The following MAGI2 variants were observed in gnomAD, a reference collection of about 807,000 sequenced individuals.
MAGI2 encodes the protein membrane associated guanylate kinase, WW and PDZ domain containing 2.
In MAGI2, 35 loss-of-function variants were observed where a neutral mutation model predicts 133.3. That is an observed-to-expected ratio of 0.26 (90% CI 0.20 to 0.35). The LOEUF is 0.35. MAGI2 is among the 10% of genes least tolerant of loss of function. The pLI is 1.00. For synonymous variants in MAGI2, 729 were observed against 710.6 expected (o/e 1.03, Z -0.41); for missense variants, 1,636 against 1,863.4 (o/e 0.88, Z 2.25).
intron 9 of MAGI2, among the ~76,000 whole-genome samples, chr7:78,321,631 G>A (rs542380464): frequency 4.6e-5 from 7 of 152,200 alleles, no homozygotes; most frequent in Admixed American, 1.3e-4. Context: ...AAGATGGATT[G>A]AAGACTTAAA....
intron 6 of MAGI2, among the ~76,000 whole-genome samples, chr7:78,463,536 A>G (rs926967124): frequency 6.6e-6 from 1 of 152,198 alleles, no homozygotes; most frequent in Non-Finnish European, 1.5e-5. Flanking sequence ...AAAAATATGT[A>G]TTAATTGTAC....
At chr7:79,332,058 TA>T (rs1840120514) in intron 1 of MAGI2, among the ~76,000 whole-genome samples, 1 of 152,170 alleles carries the variant, frequency 6.6e-6, no homozygotes, top group South Asian at 2.1e-4. Context: ...ATTAAACCTT[TA>T]ACACATAGTA....
intron 2 of MAGI2, among the ~76,000 whole-genome samples, chr7:78,903,288 G>C (rs1797757026): frequency 1.4e-5 from 2 of 140,514 alleles, no homozygotes; most frequent in Non-Finnish European, 3.0e-5. Context: ...CCGCCTCCCG[G>C]GTTCACGCCA....
chr7:78,750,793 G>T (rs1823382826), intron 2 of MAGI2, among the ~76,000 whole-genome samples: 1 of 152,148 alleles, frequency 6.6e-6, no homozygotes, highest in African/African-American at 2.4e-5. Context: ...CACTTCTAAA[G>T]AAGTGTTATA....
At chr7:78,495,438 A>T (rs1049753007) in intron 5 of MAGI2, among the ~76,000 whole-genome samples, 1 of 152,228 alleles carries the variant, frequency 6.6e-6, no homozygotes, top group East Asian at 1.9e-4. Flanking sequence ...TAGATTTTAC[A>T]CCATAGTCAA....
At chr7:78,068,795 T>C (rs1325355373) in intron 21 of MAGI2, among the ~76,000 whole-genome samples, 1 of 152,202 alleles carries the variant, frequency 6.6e-6, no homozygotes, top group African/African-American at 2.4e-5. Context: ...GGCAATTGGT[T>C]GGACTTACCC....
At chr7:78,308,806 G>T (rs1276705652) in intron 9 of MAGI2, among the ~76,000 whole-genome samples, 5 of 152,118 alleles carry the variant, frequency 3.3e-5, no homozygotes, top group African/African-American at 7.2e-5. Flanking sequence ...ATTATGTGCT[G>T]TTATTTTAGT....
Position 78,568,647 on chromosome 7 carries a change from G to A in MAGI2, c.539-47002C>T, listed in dbSNP as rs115671330. On this transcript the variant is annotated intron_variant, in intron 3 of 21. Transcript: ENST00000354212. ...CCAGCTTCTGAACAAGTTACCACAC[G>A]ACTGCTTCCTCGCCAGTCTCTCTGC... Among the ~76,000 whole-genome samples, 1,033 of 152,156 alleles carry A rather than the reference G, an allele frequency of 6.8e-3. 11 individuals carry two copies. The highest frequency in any genetic ancestry group is 0.024 in the African/African-American group (992 of 41,502).
At chr7:79,384,568 G>T (rs942475069) in intron 1 of MAGI2, among the ~76,000 whole-genome samples, 1 of 151,232 alleles carries the variant, frequency 6.6e-6, no homozygotes, top group African/African-American at 2.4e-5. Context: ...AAATTTCCAG[G>T]GTATTAAGAA....
At chr7:78,542,840 G>C (rs989704834) in intron 3 of MAGI2, among the ~76,000 whole-genome samples, 2 of 152,170 alleles carry the variant, frequency 1.3e-5, no homozygotes, top group African/African-American at 4.8e-5. Flanking sequence ...TTTATTTAAG[G>C]CTTTAAAAAT....
chr7:79,225,746 C>T (rs1830795575), intron 1 of MAGI2, among the ~76,000 whole-genome samples: 1 of 152,134 alleles, frequency 6.6e-6, no homozygotes, highest in Non-Finnish European at 1.5e-5. Flanking sequence ...TGAGAATTCT[C>T]ATTGGTCAAT....
chr7:78,205,196 A>G (rs1432425288), intron 10 of MAGI2, among the ~76,000 whole-genome samples: 1 of 152,208 alleles, frequency 6.6e-6, no homozygotes, highest in Non-Finnish European at 1.5e-5. Context: ...CAGTGGCGTG[A>G]TCTTAGCCCA....
chr7:78,559,257 GT>G (rs1399264551), intron 3 of MAGI2, among the ~76,000 whole-genome samples: 17 of 140,968 alleles, frequency 1.2e-4, no homozygotes, highest in African/African-American at 4.5e-4. Context: ...TTTTTTTCCA[GT>G]TGTAAAGATT....
chr7:78,288,535 C>A (rs1470720963), intron 9 of MAGI2, among the ~76,000 whole-genome samples: 1 of 152,190 alleles, frequency 6.6e-6, no homozygotes, highest in Non-Finnish European at 1.5e-5. Context: ...CAGTCTATAG[C>A]CCCCAGCAGG....
chr7:78,826,079 A>G (rs1259286304), intron 2 of MAGI2, among the ~76,000 whole-genome samples: 4 of 152,128 alleles, frequency 2.6e-5, no homozygotes, highest in African/African-American at 2.4e-5. Flanking sequence ...TAGGCCAGGC[A>G]CGGTGGCTCA....
At chr7:79,349,178 T>G (rs1027573213) in intron 1 of MAGI2, among the ~76,000 whole-genome samples, 12 of 151,972 alleles carry the variant, frequency 7.9e-5, no homozygotes, top group African/African-American at 1.9e-4. Context: ...CCATAAAAAT[T>G]TATAATTAGG....
intron 3 of MAGI2, among the ~76,000 whole-genome samples, chr7:78,538,113 C>T (rs985451115): frequency 6.6e-6 from 1 of 152,066 alleles, no homozygotes; most frequent in Admixed American, 6.6e-5. Flanking sequence ...TTTTCATTTG[C>T]TTTGTTGAAG....
At chr7:79,104,539 C>T (rs1005656333) in intron 1 of MAGI2, among the ~76,000 whole-genome samples, 4 of 151,814 alleles carry the variant, frequency 2.6e-5, no homozygotes, top group South Asian at 2.1e-4. Context: ...TGGTGGGACG[C>T]GCCTGTAGTC....
chr7:79,340,339 T>A (rs973232108), intron 1 of MAGI2, among the ~76,000 whole-genome samples: 3 of 152,154 alleles, frequency 2.0e-5, no homozygotes, highest in Admixed American at 1.3e-4. Flanking sequence ...TCTGTGATTT[T>A]AGTTTGTTTT....
Sources: gnomAD v4.1 joint callset for allele counts (sites outside exome capture counted in the v4.1 genomes callset) on GRCh38, gnomAD v4.1.1 for gene constraint, MANE v1.5 for transcripts, NCBI Gene and HGNC (gene_info 2026-07-23, HGNC 2026-07-21) for gene names.